Variants in DPYD observed in about 807,000 individuals in gnomAD.
DPYD encodes dihydropyrimidine dehydrogenase.
Under a neutral mutation model 116.2 loss-of-function variants are expected in DPYD, and 109 were observed. The ratio of observed to expected loss-of-function variants is 0.94; its 90% CI spans 0.80 to 1.10. DPYD has a LOEUF of 1.10. Among genes scored for constraint, DPYD ranks in the 50% least tolerant of loss-of-function variants. The pLI is 0.00. For missense variants in DPYD, 1,302 were observed against 1,254.5 expected (o/e 1.04, Z -0.57); for synonymous variants, 440 against 432.0 (o/e 1.02, Z -0.23).
chr1:97,805,071 A>G (rs943962684), intron 3 of DPYD, among the ~76,000 whole-genome samples: 1 of 151,968 alleles, frequency 6.6e-6, no homozygotes, highest in African/African-American at 2.4e-5. Context: ...GAGGCTTACT[A>G]AAAATTACAG....
chr1:97,502,406 C>T (rs1430412343), intron 13 of DPYD, among the ~76,000 whole-genome samples: 1 of 151,964 alleles, frequency 6.6e-6, no homozygotes, highest in Non-Finnish European at 1.5e-5. Flanking sequence ...TAGAGAAGTC[C>T]ATTGTGGCCT....
At chr1:97,360,365 A>T (rs189162128) in intron 16 of DPYD, among the ~76,000 whole-genome samples, 4 of 152,244 alleles carry the variant, frequency 2.6e-5, no homozygotes, top group East Asian at 3.9e-4. Flanking sequence ...TTAACACCCC[A>T]CTGTCCACTG....
At chr1:97,668,753 A>C (rs116532548) in intron 8 of DPYD, among the ~76,000 whole-genome samples, 2,082 of 152,202 alleles carry the variant, frequency 0.014, 45 homozygotes, top group African/African-American at 0.048. Context: ...ATTAAATAGC[A>C]ATCAGTTTTA....
At chr1:97,876,111 T>C (rs1457724082) in intron 2 of DPYD, among the ~76,000 whole-genome samples, 1 of 152,004 alleles carries the variant, frequency 6.6e-6, no homozygotes, top group Admixed American at 6.6e-5. Flanking sequence ...AGTAAAATCA[T>C]ACCATTATCA....
chr1:97,187,170 T>C (rs1350737577), intron 20 of DPYD, among the ~76,000 whole-genome samples: 1 of 152,182 alleles, frequency 6.6e-6, no homozygotes, highest in Admixed American at 6.6e-5. Flanking sequence ...TCCACAGGGT[T>C]TGAACTATTT....
intron 3 of DPYD, among the ~76,000 whole-genome samples, chr1:97,811,881 T>C (rs1182418535): frequency 3.1e-5 from 2 of 63,702 alleles, no homozygotes; most frequent in Non-Finnish European, 6.0e-5. Flanking sequence ...TTAAATAAAT[T>C]AATTTAAAAC....
intron 5 of DPYD, 118 bp downstream of exon 5, chr1:97,721,392 A>T: frequency 8.2e-7 from 1 of 1,218,094 alleles, no homozygotes; most frequent in Non-Finnish European, 1.2e-6. Flanking sequence ...AACATACTTG[A>T]GCTGTGTGTC....
chr1:97,362,442 G>C (rs988056637), intron 16 of DPYD, among the ~76,000 whole-genome samples: 1 of 152,028 alleles, frequency 6.6e-6, no homozygotes, highest in African/African-American at 2.4e-5. Flanking sequence ...CACAGAATTG[G>C]AAAAAACTAC....
At chr1:97,498,856 G>A (rs1679417489) in intron 13 of DPYD, among the ~76,000 whole-genome samples, 1 of 151,372 alleles carries the variant, frequency 6.6e-6, no homozygotes, top group Non-Finnish European at 1.5e-5. Context: ...ACAATGTATT[G>A]AAATAGATTA....
chr1:97,761,813 T>C (rs1665590531), intron 3 of DPYD, among the ~76,000 whole-genome samples: 1 of 152,160 alleles, frequency 6.6e-6, no homozygotes, highest in Non-Finnish European at 1.5e-5. Flanking sequence ...CACCATGGAA[T>C]ACTATGCAGC....
chr1:97,299,487 C>G (rs1359919427), intron 18 of DPYD, among the ~76,000 whole-genome samples: 2 of 152,048 alleles, frequency 1.3e-5, no homozygotes, highest in African/African-American at 2.4e-5. Flanking sequence ...TTTGTTGGCT[C>G]TTAAATACTA....
At chr1:97,597,349 G>T (rs1037998402) in intron 8 of DPYD, among the ~76,000 whole-genome samples, 2 of 152,182 alleles carry the variant, frequency 1.3e-5, no homozygotes, top group African/African-American at 4.8e-5. Context: ...TCTCCATGTG[G>T]ATACTTTGAT....
At position 97,525,758 on chromosome 1, in the gene DPYD, TAGAG is replaced by T. The variant is rs58098297; in HGVS notation, c.1525-9821_1525-9818del. On this transcript the variant is annotated intron_variant, in intron 12 of 22. Transcript: ENST00000370192. Reference sequence around the variant, plus strand: ...AGAGTAAGTAATTGCCCTGGGTAATTAGAGAGAGAGAGAGAGAGAGAGAGAGAGA... The same window carrying T: ...AGAGTAAGTAATTGCCCTGGGTAATTAGAGAGAGAGAGAGAGAGAGAGAGA... Among the ~76,000 whole-genome samples, 165 of 108,708 alleles carry T rather than the reference TAGAG, an allele frequency of 1.5e-3. 2 individuals are homozygous for T. The highest frequency in any genetic ancestry group is 2.5e-3 in the African/African-American group (69 of 27,506). 71.3% of individuals were successfully genotyped at this position (108,708 alleles called of 152,430 possible).
At chr1:97,882,393 C>G (rs1368318426) in intron 2 of DPYD, among the ~76,000 whole-genome samples, 1 of 151,874 alleles carries the variant, frequency 6.6e-6, no homozygotes, top group Non-Finnish European at 1.5e-5. Context: ...AGTTTCCATC[C>G]TCAAAGAGTT....
At chr1:97,531,537 T>C (rs905391890) in intron 12 of DPYD, among the ~76,000 whole-genome samples, 1 of 152,208 alleles carries the variant, frequency 6.6e-6, no homozygotes, top group Non-Finnish European at 1.5e-5. Flanking sequence ...GATTATTGCT[T>C]TGTAATTATT....
chr1:97,102,926 A>AT (rs1214508252), intron 20 of DPYD, among the ~76,000 whole-genome samples: 1 of 152,034 alleles, frequency 6.6e-6, no homozygotes, highest in Non-Finnish European at 1.5e-5. Flanking sequence ...AGAAAAATGA[A>AT]GAAAATAAAT....
At chr1:97,256,996 T>C (rs546695337) in intron 18 of DPYD, among the ~76,000 whole-genome samples, 21 of 152,142 alleles carry the variant, frequency 1.4e-4, no homozygotes, top group South Asian at 6.2e-4. Flanking sequence ...ACAAGTTCCT[T>C]TGGAAATCAC....
At chr1:97,774,229 G>C (rs758544253) in intron 3 of DPYD, among the ~76,000 whole-genome samples, 2 of 152,158 alleles carry the variant, frequency 1.3e-5, no homozygotes, top group Non-Finnish European at 2.9e-5. Flanking sequence ...TGGAAGGAGA[G>C]TATGAATGCA....
chr1:97,152,387 G>A (rs1045166425), intron 20 of DPYD, among the ~76,000 whole-genome samples: 6 of 151,364 alleles, frequency 4.0e-5, no homozygotes, highest in Admixed American at 1.3e-4. Context: ...AAAATGCAAA[G>A]GTGCGAAGTT....
Sources: gnomAD v4.1 joint callset for allele counts (sites outside exome capture counted in the v4.1 genomes callset) on GRCh38, gnomAD v4.1.1 for gene constraint, MANE v1.5 for transcripts, NCBI Gene and HGNC (gene_info 2026-07-23, HGNC 2026-07-21) for gene names.